Variants in PRR16 observed in about 807,000 individuals in gnomAD.
The protein encoded by PRR16 is protein Largen.
PRR16 carries 6 observed loss-of-function variants against 18.2 expected under a neutral mutation model. The observed-to-expected ratio is 0.33, with a 90% confidence interval of 0.18 to 0.65. The LOEUF is 0.65. Among genes scored for constraint, PRR16 ranks in the 30% least tolerant of loss-of-function variants. PRR16 has a pLI of 0.74. For synonymous variants in PRR16, 151 were observed against 147.8 expected, an observed-to-expected ratio of 1.02 and a Z score of -0.16; for missense variants, 412 against 376.6, an observed-to-expected ratio of 1.09 and a Z score of -0.78.
At chr5:120,475,580 A>G (rs1430557696) in intron 1 of PRR16, among the ~76,000 whole-genome samples, 1 of 152,114 alleles carries the variant, frequency 6.6e-6, no homozygotes, top group Non-Finnish European at 1.5e-5. Flanking sequence ...TCTATAAGAA[A>G]TGAAAAATAA....
chr5:120,779,804 G>T, the PRR16 span, among the ~76,000 whole-genome samples: 4 of 152,096 alleles, frequency 2.6e-5, no homozygotes, highest in Non-Finnish European at 4.4e-5. Flanking sequence ...ATCTGCTACT[G>T]CCACCTCCTT....
At chr5:120,633,499 C>T (rs1755127527) in intron 1 of PRR16, among the ~76,000 whole-genome samples, 1 of 152,038 alleles carries the variant, frequency 6.6e-6, no homozygotes, top group South Asian at 2.1e-4. Context: ...CAAGGACTCA[C>T]ATAAACTTAA....
At chr5:120,742,001 A>C in the PRR16 span, among the ~76,000 whole-genome samples, 1 of 152,084 alleles carries the variant, frequency 6.6e-6, no homozygotes, top group Non-Finnish European at 1.5e-5. Context: ...AAATTTTTTC[A>C]AAAGCATTTT....
At chr5:120,794,080 A>C in the PRR16 span, among the ~76,000 whole-genome samples, 1 of 152,142 alleles carries the variant, frequency 6.6e-6, no homozygotes, top group African/African-American at 2.4e-5. Context: ...TGAAAAGACT[A>C]AGATGACATT....
chr5:120,572,202 G>T (rs186183885), intron 1 of PRR16, among the ~76,000 whole-genome samples: 276 of 152,254 alleles, frequency 1.8e-3, no homozygotes, highest in Admixed American at 4.9e-3. Context: ...CAGTCAGACA[G>T]CCCACCCAAA....
At chr5:120,487,269 C>T (rs1749841151) in intron 1 of PRR16, among the ~76,000 whole-genome samples, 1 of 152,152 alleles carries the variant, frequency 6.6e-6, no homozygotes, top group Admixed American at 6.5e-5. Context: ...TTGATTCTTC[C>T]TACCCATGAG....
chr5:120,551,272 C>T (rs1260241644), intron 1 of PRR16, among the ~76,000 whole-genome samples: 1 of 151,902 alleles, frequency 6.6e-6, no homozygotes, highest in Non-Finnish European at 1.5e-5. Flanking sequence ...TATTTGTCTT[C>T]CTGAGTCTGG....
At chr5:120,744,537 A>T in the PRR16 span, among the ~76,000 whole-genome samples, 1 of 152,166 alleles carries the variant, frequency 6.6e-6, no homozygotes, top group Admixed American at 6.5e-5. Context: ...TCTATTATCA[A>T]TAGAGGACAG....
chr5:120,774,690 TA>T, the PRR16 span, among the ~76,000 whole-genome samples: 7,356 of 152,174 alleles, frequency 0.048, 314 homozygotes, highest in African/African-American at 0.1. Context: ...CCTCTAAATC[TA>T]TATGTGATTT....
intron 1 of PRR16, among the ~76,000 whole-genome samples, chr5:120,496,030 A>G (rs188522): frequency 0.94 from 142,255 of 152,032 alleles, 67,354 homozygotes; most frequent in East Asian, 1. Context: ...CTGAATGGAT[A>G]TGGAATTTTC....
intron 1 of PRR16, among the ~76,000 whole-genome samples, chr5:120,606,805 G>A (rs1754168499): frequency 6.6e-6 from 1 of 152,050 alleles, no homozygotes; most frequent in Non-Finnish European, 1.5e-5. Context: ...TACTCAGCAG[G>A]CTGAGGTGGT....
intron 1 of PRR16, among the ~76,000 whole-genome samples, chr5:120,682,023 T>G (rs1271987491): frequency 3.3e-5 from 5 of 152,238 alleles, no homozygotes; most frequent in Non-Finnish European, 7.3e-5. Flanking sequence ...CATCTCTCAC[T>G]TCTGCAACTC....
At chr5:120,548,623 T>C (rs1368184018) in intron 1 of PRR16, among the ~76,000 whole-genome samples, 1 of 152,082 alleles carries the variant, frequency 6.6e-6, no homozygotes, top group Non-Finnish European at 1.5e-5. Context: ...GATGTTACTA[T>C]TAGCCCTCAA....
chr5:120,675,900 A>G (rs1012260289), intron 1 of PRR16, among the ~76,000 whole-genome samples: 46 of 152,170 alleles, frequency 3.0e-4, no homozygotes, highest in South Asian at 4.1e-4. Flanking sequence ...ATTGTTGTCT[A>G]TTTTAAAATC....
chr5:120,792,399 AG>A, the PRR16 span, among the ~76,000 whole-genome samples: 42 of 152,138 alleles, frequency 2.8e-4, no homozygotes, highest in African/African-American at 9.4e-4. Context: ...TTACTTTCTT[AG>A]TTATTTCACT....
At chr5:120,716,068 T>C in the PRR16 span, among the ~76,000 whole-genome samples, 6 of 152,236 alleles carry the variant, frequency 3.9e-5, no homozygotes, top group Admixed American at 3.9e-4. Flanking sequence ...CAACAACAAA[T>C]CAGGAGAGCT....
intron 1 of PRR16, among the ~76,000 whole-genome samples, chr5:120,683,277 G>A (rs1338672995): frequency 6.6e-6 from 1 of 152,080 alleles, no homozygotes; most frequent in Non-Finnish European, 1.5e-5. Flanking sequence ...TGGATCATGA[G>A]GTCAGGCGTT....
the PRR16 span, among the ~76,000 whole-genome samples, chr5:120,775,277 C>G: frequency 6.6e-6 from 1 of 151,868 alleles, no homozygotes; most frequent in Non-Finnish European, 1.5e-5. Flanking sequence ...GGTATTTTTC[C>G]ATAACCTCCT....
intron 1 of PRR16, among the ~76,000 whole-genome samples, chr5:120,619,599 A>G (rs940616096): frequency 6.6e-6 from 1 of 152,206 alleles, no homozygotes; most frequent in African/African-American, 2.4e-5. Flanking sequence ...TGAAAATTAC[A>G]TACCCAAATA....
Sources: gnomAD v4.1 joint callset for allele counts (sites outside exome capture counted in the v4.1 genomes callset) on GRCh38, gnomAD v4.1.1 for gene constraint, MANE v1.5 for transcripts, NCBI Gene and HGNC (gene_info 2026-07-23, HGNC 2026-07-21) for gene names.